FAM81A: variants seen among roughly 807,000 people sequenced by gnomAD.
FAM81A encodes the protein protein FAM81A.
FAM81A carries 19 observed loss-of-function variants against 46.7 expected under a neutral mutation model. The observed-to-expected ratio is 0.41, with a 90% confidence interval of 0.28 to 0.60. FAM81A has a LOEUF of 0.60. Among genes scored for constraint, FAM81A ranks in the 20% least tolerant of loss-of-function variants. The probability of loss-of-function intolerance (pLI) is 0.34; values close to 1 mark genes in which losing one functional copy is unlikely to be tolerated. For missense variants in FAM81A, 377 were observed against 453.5 expected (o/e 0.83, Z 1.53); for synonymous variants, 183 against 152.9 (o/e 1.20, Z -1.45).
At chr15:59,412,654 G>C (rs1226991107) in intron 2 of FAM81A, among the ~76,000 whole-genome samples, 1 of 151,984 alleles carries the variant, frequency 6.6e-6, no homozygotes, top group African/African-American at 2.4e-5. Context: ...CTGAGTCCAG[G>C]AGGTTGAGGC....
intron 1 of FAM81A, among the ~76,000 whole-genome samples, chr15:59,448,724 G>C (rs1248248087): frequency 6.6e-6 from 1 of 152,134 alleles, no homozygotes; most frequent in Admixed American, 6.5e-5. Context: ...CTGGAGTGCA[G>C]TGTCATGCAG....
intron 3 of FAM81A, among the ~76,000 whole-genome samples, chr15:59,484,330 T>C (rs1407582919): frequency 6.6e-6 from 1 of 152,142 alleles, no homozygotes; most frequent in Non-Finnish European, 1.5e-5. Flanking sequence ...CCTCCACCAA[T>C]TGTCCTCCCC....
intron 2 of FAM81A, among the ~76,000 whole-genome samples, chr15:59,404,083 A>C (rs953527047): frequency 2.0e-4 from 31 of 152,072 alleles, no homozygotes; most frequent in African/African-American, 6.5e-4. Context: ...GGGTTTCACC[A>C]TGTTGGCCAG....
chr15:59,514,082 G>T (rs997859881), intron 6 of FAM81A, among the ~76,000 whole-genome samples: 15 of 152,176 alleles, frequency 9.9e-5, no homozygotes, highest in African/African-American at 1.2e-4. Context: ...GGGGGCATGG[G>T]GGGGGCAAGG....
intron 8 of FAM81A, among the ~76,000 whole-genome samples, chr15:59,519,436 G>A (rs535123282): frequency 7.3e-4 from 111 of 151,468 alleles, no homozygotes; most frequent in South Asian, 2.5e-3. Context: ...TAATCCACCC[G>A]CCTCGGCCTG....
chr15:59,444,510 A>G (rs1347649325), intron 1 of FAM81A, among the ~76,000 whole-genome samples: 24 of 152,324 alleles, frequency 1.6e-4, no homozygotes, highest in African/African-American at 5.3e-4. Context: ...AAAATGGCCC[A>G]TCTAGTTCTT....
intron 1 of FAM81A, among the ~76,000 whole-genome samples, chr15:59,447,941 A>G (rs1596477546): frequency 6.6e-6 from 1 of 152,184 alleles, no homozygotes; most frequent in East Asian, 1.9e-4. Context: ...CTTCTCCTTG[A>G]CTTTGAGTCT....
intron 7 of FAM81A, 107 bp from the exon 8 acceptor site, chr15:59,516,538 C>G: frequency 8.9e-7 from 1 of 1,121,904 alleles, no homozygotes. Flanking sequence ...GCAGCTGTTG[C>G]AAATCTGTTT....
chr15:59,519,570 C>T (rs376478644), intron 8 of FAM81A, among the ~76,000 whole-genome samples: 1 of 149,194 alleles, frequency 6.7e-6, no homozygotes, highest in Non-Finnish European at 1.5e-5. Flanking sequence ...TTTCCCTTCC[C>T]TTCCCTTCCC....
At chr15:59,402,030 C>T in intron 1 of FAM81A, 1 of 594,988 alleles carries the variant, frequency 1.7e-6, no homozygotes, top group Non-Finnish European at 3.0e-6. Context: ...CTGCCAGGAG[C>T]AGCCCCTGGG....
intron 4 of FAM81A, among the ~76,000 whole-genome samples, chr15:59,497,836 A>T (rs2082050181): frequency 6.6e-6 from 1 of 152,220 alleles, no homozygotes; most frequent in African/African-American, 2.4e-5. Flanking sequence ...GTTTCAAAAA[A>T]AATAAACAAA....
intron 4 of FAM81A, 122 bp from the exon 5 acceptor site, chr15:59,507,091 C>A: frequency 7.8e-7 from 1 of 1,290,294 alleles, no homozygotes; most frequent in Non-Finnish European, 1.0e-6. Context: ...AACCTCTGTT[C>A]AAAAGAATGA....
At chr15:59,494,034 G>A (rs779416336) in intron 4 of FAM81A, among the ~76,000 whole-genome samples, 4 of 152,050 alleles carry the variant, frequency 2.6e-5, no homozygotes, top group Non-Finnish European at 5.9e-5. Flanking sequence ...TCCTCACTCT[G>A]CTACCTTTAC....
chr15:59,475,372 C>A (rs1363018206), intron 3 of FAM81A, among the ~76,000 whole-genome samples: 1 of 152,038 alleles, frequency 6.6e-6, no homozygotes, highest in Non-Finnish European at 1.5e-5. Context: ...GAGCTCCTGT[C>A]CTCAAGTGAC....
At chr15:59,425,697 C>A (rs2081191926) in intron 2 of FAM81A, among the ~76,000 whole-genome samples, 1 of 152,200 alleles carries the variant, frequency 6.6e-6, no homozygotes, top group Admixed American at 6.5e-5. Flanking sequence ...ATGATCATAG[C>A]TCACTGCAGC....
chr15:59,416,362 C>T (rs1302319057), intron 2 of FAM81A, among the ~76,000 whole-genome samples: 1 of 152,220 alleles, frequency 6.6e-6, no homozygotes, highest in Non-Finnish European at 1.5e-5. Context: ...GGGCTTTTGT[C>T]CACTGCCTCC....
At chr15:59,473,814 G>A (rs578087587) in intron 3 of FAM81A, among the ~76,000 whole-genome samples, 6 of 152,258 alleles carry the variant, frequency 3.9e-5, no homozygotes, top group Admixed American at 2.0e-4. Context: ...TAGCTGCCAC[G>A]TACTACTCCA....
rs192062071 is a variant in FAM81A at position 59,408,377 on chromosome 15, A to G, written c.-78+6019A>G. On this transcript the variant is annotated intron_variant, in intron 2 of 4. Transcript: ENST00000558348. ...TAATTCATGGACTTTTTAACTCCAA[A>G]TAATTTCAAGGATGGCTCCATTTAA... Among the ~76,000 whole-genome samples the G allele has an allele frequency of 2.0e-4, 30 of 152,332 alleles. No homozygotes were observed. The East Asian group carries it at 3.3e-3, about 17-fold the overall frequency.
At chr15:59,454,353 C>G (rs957878801) in intron 1 of FAM81A, among the ~76,000 whole-genome samples, 4 of 151,934 alleles carry the variant, frequency 2.6e-5, no homozygotes, top group Non-Finnish European at 4.4e-5. Context: ...ATTCATTTAC[C>G]ATTTTACATT....
Sources: gnomAD v4.1 joint callset for allele counts (sites outside exome capture counted in the v4.1 genomes callset) on GRCh38, gnomAD v4.1.1 for gene constraint, MANE v1.5 for transcripts, NCBI Gene and HGNC (gene_info 2026-07-23, HGNC 2026-07-21) for gene names.